Variants in SYAP1 observed in about 807,000 individuals in gnomAD.
SYAP1 encodes synapse-associated protein 1.
In SYAP1, 3 loss-of-function variants were observed where a neutral mutation model predicts 29.6. The ratio of observed to expected loss-of-function variants is 0.10; its 90% CI spans 0.05 to 0.26. The LOEUF (loss-of-function observed/expected upper bound fraction) is 0.26, where lower values mean the gene tolerates loss of function less well. SYAP1 is among the 10% of genes least tolerant of loss of function. The probability of loss-of-function intolerance (pLI) is 1.00; values close to 1 mark genes in which losing one functional copy is unlikely to be tolerated. For missense variants in SYAP1, 217 were observed against 264.1 expected, an observed-to-expected ratio of 0.82 and a Z score of 1.24; for synonymous variants, 102 against 102.7, an observed-to-expected ratio of 0.99 and a Z score of 0.04.
intron 1 of SYAP1, among the ~76,000 whole-genome samples, chrX:16,734,381 ATC>A (rs1926275649): frequency 9.8e-6 from 1 of 102,085 alleles, no homozygotes. Flanking sequence ...GTGAGACTTC[ATC>A]TCAAAAAAAA....
In SYAP1 at chrX:16,764,695, AT is replaced by A. The variant is rs765221769; in HGVS notation, c.*4347del. On this transcript the variant is annotated 3_prime_UTR_variant, in exon 9 of 9. Transcript: ENST00000380155. ...AACTTTTAAAAATAAAAGTGGTAGAATTTTTTTTTTTCTTTTTGAGACAGGG... is the reference window on the plus strand; with the variant it reads ...AACTTTTAAAAATAAAAGTGGTAGAATTTTTTTTTTCTTTTTGAGACAGGG... 39 of 100,935 alleles carry A rather than the reference AT, an allele frequency of 3.9e-4. No homozygotes were observed. Among genetic ancestry groups the A allele is most frequent in the African/African-American group, 5.8e-4 (16 of 27,564 alleles). 8.3% of individuals were successfully genotyped at this position (100,935 alleles called of 1,213,427 possible).
intron 7 of SYAP1, 80 bp from the exon 8 acceptor site, chrX:16,757,082 A>C: frequency 9.1e-7 from 1 of 1,103,124 alleles, no homozygotes; most frequent in Non-Finnish European, 1.2e-6. Context: ...CACGGCATTA[A>C]ATTGTGAGAC....
Position 16,719,861 on chromosome X carries a change from G to A in SYAP1, c.137G>A (p.Gly46Glu). ...GCGGAGGAGGAGCTGCAGCAAGCGG[G>A]AGACCAGGAGCTCCTCCACCAGGCC... Reference protein sequence around the residue: ...ESAEEELQQAGDQELLHQAKD... With the variant: ...ESAEEELQQAEDQELLHQAKD... The change falls in exon 1 of 9, where the codon GGA becomes GAA. Residue 46 changes from glycine (G) to glutamate (E), a missense_variant. By Grantham distance (98) the Gly-to-Glu change is moderately conservative. Coordinates refer to ENST00000380155, the MANE Select transcript of SYAP1 (RefSeq NM_032796.4). 8.4e-7 allele frequency: 1 copy of A among 1,194,835 alleles called. No individual in the cohort carries two copies. The highest frequency in any genetic ancestry group is 1.1e-6 in the Non-Finnish European group (1 of 887,343).
At chrX:16,748,164 A>G (rs1244993446) in intron 5 of SYAP1, among the ~76,000 whole-genome samples, 2 of 112,422 alleles carry the variant, frequency 1.8e-5, no homozygotes, top group Non-Finnish European at 3.8e-5. Context: ...TTCGCCTTAA[A>G]ATATTCCAAC....
chrX:16,743,956 A>G (rs975705525), intron 5 of SYAP1, 116 bp downstream of exon 5: 97 of 875,930 alleles, frequency 1.1e-4, no homozygotes, highest in Non-Finnish European at 1.4e-4. Flanking sequence ...CAGGCCCCGC[A>G]GCCCTTTGGC....
chrX:16,746,745 G>A (rs1183796183), intron 5 of SYAP1, among the ~76,000 whole-genome samples: 4 of 109,078 alleles, frequency 3.7e-5, no homozygotes, highest in East Asian at 2.9e-4. Context: ...ATGCCACCAC[G>A]CCTGGCTATT....
intron 1 of SYAP1, 151 bp from the exon 2 acceptor site, chrX:16,735,075 AG>A (rs1307562238): frequency 2.8e-6 from 1 of 353,352 alleles, no homozygotes; most frequent in African/African-American, 2.8e-5. Flanking sequence ...CCACCAAGAA[AG>A]TGGTGCTTTT....
chrX:16,729,978 C>T (rs1293730988), intron 1 of SYAP1, among the ~76,000 whole-genome samples: 1 of 111,928 alleles, frequency 8.9e-6, no homozygotes, highest in Non-Finnish European at 1.9e-5. Context: ...TTTCATGCCT[C>T]CTTATAATCT....
Position 16,748,818 on chromosome X carries a change from G to A in SYAP1, c.575+4978G>A, listed in dbSNP as rs780824732. On this transcript the variant is annotated intron_variant, in intron 5 of 8. Transcript: ENST00000380155. Reference sequence around the variant, plus strand: ...CACTCAGGCTGGAATGTAGTGGTGCGATCTCGGCTCACTGCAACCTCCACC... The same window carrying A: ...CACTCAGGCTGGAATGTAGTGGTGCAATCTCGGCTCACTGCAACCTCCACC... Among the ~76,000 whole-genome samples, 174 of 106,105 alleles carry A rather than the reference G, an allele frequency of 1.6e-3. 5 individuals are homozygous for A. The highest frequency in any genetic ancestry group is 1.7e-3 in the Non-Finnish European group (88 of 51,683). 92.1% of individuals were successfully genotyped at this position (106,105 alleles called of 115,157 possible). A position where few individuals can be genotyped will look rare whatever the true frequency, so the allele number is the denominator to read the frequency against.
intron 1 of SYAP1, among the ~76,000 whole-genome samples, chrX:16,729,046 A>G (rs1304364204): frequency 1.1e-5 from 1 of 87,903 alleles, no homozygotes; most frequent in Non-Finnish European, 2.2e-5. Context: ...CTCGAAAAAA[A>G]AAAAAGAAAA....
At position 16,760,406 on chromosome X, in the gene SYAP1, A is replaced by G. The variant is rs771037789; in HGVS notation, c.*47A>G. On this transcript the variant is annotated 3_prime_UTR_variant, in exon 9 of 9. Coordinates refer to ENST00000380155, the MANE Select transcript of SYAP1 (RefSeq NM_032796.4). ...AATCCTTAACAGTCTGCAAACTGAC[A>G]TTAAATTCTAGATGTTGACAATTAC... The G allele has an allele frequency of 9.3e-7, 1 of 1,069,932 alleles. No homozygotes were observed. The highest frequency in any genetic ancestry group is 1.9e-5 in the African/African-American group (1 of 52,301). 88.2% of individuals were successfully genotyped at this position (1,069,932 alleles called of 1,213,427 possible).
chrX:16,739,426 C>T (rs758246146), intron 3 of SYAP1, among the ~76,000 whole-genome samples: 1 of 109,322 alleles, frequency 9.1e-6, no homozygotes, highest in Non-Finnish European at 1.9e-5. Context: ...CATTTGCTCT[C>T]CAAGGGCCTG....
chrX:16,723,322 G>T (rs753939546), intron 1 of SYAP1, among the ~76,000 whole-genome samples: 3 of 112,208 alleles, frequency 2.7e-5, no homozygotes, highest in African/African-American at 9.7e-5. Context: ...CAATAGCTTG[G>T]ATCCTAGGGC....
At chrX:16,758,232 A>G (rs1269584085) in intron 8 of SYAP1, among the ~76,000 whole-genome samples, 1 of 105,493 alleles carries the variant, frequency 9.5e-6, no homozygotes, top group African/African-American at 3.5e-5. Context: ...TTTTGTAGAG[A>G]TGGGGTCTTG....
At chrX:16,743,244 C>T (rs1926514281) in intron 4 of SYAP1, among the ~76,000 whole-genome samples, 1 of 109,294 alleles carries the variant, frequency 9.1e-6, no homozygotes. Context: ...AGGAGAATTG[C>T]TTGAACCCAG....
At chrX:16,752,364 GATTATT>G (rs202245644) in intron 5 of SYAP1, among the ~76,000 whole-genome samples, 411 of 96,121 alleles carry the variant, frequency 4.3e-3, no homozygotes, top group African/African-American at 0.011. Flanking sequence ...GTTATCAATG[GATTATT>G]ATTATTATTA....
At chrX:16,723,430 G>A (rs778950304) in intron 1 of SYAP1, among the ~76,000 whole-genome samples, 4 of 111,822 alleles carry the variant, frequency 3.6e-5, no homozygotes, top group South Asian at 7.4e-4. Context: ...AAAAGAAGTC[G>A]TAGATGTTCC....
intron 7 of SYAP1, 45 bp from the exon 8 acceptor site, chrX:16,757,117 T>C (rs1569253213): frequency 8.4e-7 from 1 of 1,192,378 alleles, no homozygotes; most frequent in Non-Finnish European, 1.1e-6. Context: ...ATAACACAAA[T>C]GTCGCTTAGC....
intron 2 of SYAP1, among the ~76,000 whole-genome samples, chrX:16,735,745 C>T (rs750740856): frequency 1.8e-5 from 2 of 111,742 alleles, no homozygotes; most frequent in Non-Finnish European, 3.8e-5. Flanking sequence ...CTGCCTCAAC[C>T]TCCCAAGTAG....
Sources: gnomAD v4.1 joint callset for allele counts (sites outside exome capture counted in the v4.1 genomes callset) on GRCh38, gnomAD v4.1.1 for gene constraint, MANE v1.5 for transcripts, NCBI Gene and HGNC (gene_info 2026-07-23, HGNC 2026-07-21) for gene names.